Variants in DNAH12 observed in about 807,000 individuals in gnomAD.
DNAH12 encodes the protein dynein axonemal heavy chain 12.
A neutral mutation model predicts 371.5 loss-of-function variants in DNAH12; 285 were observed. That is an observed-to-expected ratio of 0.77 (90% confidence interval 0.70 to 0.85). The LOEUF is 0.85. DNAH12 is among the 40% of genes least tolerant of loss of function. The probability of loss-of-function intolerance (pLI) is 0.00; values close to 1 mark genes in which losing one functional copy is unlikely to be tolerated. For missense variants in DNAH12, 3,611 were observed against 3,689.4 expected, an observed-to-expected ratio of 0.98 and a Z score of 0.55; for synonymous variants, 1,200 against 1,213.0, an observed-to-expected ratio of 0.99 and a Z score of 0.22.
intron 11 of DNAH12, among the ~76,000 whole-genome samples, chr3:57,494,376 G>GT (rs1448541137): frequency 1.5e-4 from 23 of 152,098 alleles, no homozygotes; most frequent in African/African-American, 5.5e-4. Flanking sequence ...AACATAGTGA[G>GT]ACCTTGTCTC....
chr3:57,455,561 C>G (rs528797364), intron 22 of DNAH12, among the ~76,000 whole-genome samples: 1 of 144,500 alleles, frequency 6.9e-6, no homozygotes, highest in South Asian at 2.4e-4. Context: ...CAGAGTGAGA[C>G]TCTGTCTCAA....
upstream of DNAH12, among the ~76,000 whole-genome samples, chr3:57,545,286 G>A (rs2069469709): frequency 6.7e-6 from 1 of 149,964 alleles, no homozygotes; most frequent in Non-Finnish European, 1.5e-5. Context: ...TGGGATTACA[G>A]GCATGCATCA....
intron 13 of DNAH12, among the ~76,000 whole-genome samples, chr3:57,479,183 C>T (rs962069124): frequency 1.3e-5 from 2 of 152,174 alleles, no homozygotes; most frequent in East Asian, 1.9e-4. Context: ...ACCCATCTCA[C>T]GTGCAGAGAC....
rs34521012 is a variant in DNAH12, at chr3:57,495,008, C to CAA, written c.1336-5323_1336-5322dup. Among the ~76,000 whole-genome samples the CAA allele has an allele frequency of 1.3e-3, 192 of 147,494 alleles. 2 individuals carry two copies. Among genetic ancestry groups the CAA allele is most frequent in the African/African-American group, 3.4e-3 (138 of 40,132 alleles). On this transcript the variant is annotated intron_variant, in intron 11 of 73. Transcript: ENST00000495027. ...TGGGCAACAAAGCAAGACCCTGTCT[C>CAA]AAAAAAAAAAATGTTACTAGAGATA...
In DNAH12 at chr3:57,468,735, C is replaced by A. The variant is rs1350087286; in HGVS notation, c.2349+1G>T. The A allele has an allele frequency of 7.1e-7, 1 of 1,412,644 alleles. No individual in the cohort carries two copies. The highest frequency in any genetic ancestry group is 2.8e-5 in the East Asian group (1 of 35,854). 87.5% of individuals were successfully genotyped at this position (1,412,644 alleles called of 1,614,324 possible). A position where few individuals can be genotyped will look rare whatever the true frequency, so the allele number is the denominator to read the frequency against. On this transcript the variant is annotated splice_donor_variant, in intron 17 of 73. Coordinates refer to ENST00000495027, the MANE Select transcript of DNAH12 (RefSeq NM_001366028.2). LOFTEE classifies it high-confidence loss of function. The stretch of plus-strand genomic sequence containing the variant: ...TAAAATGTTATTATATATATTTATA[C>A]CTTAAAAGCTTTTATCTGTTCCATG...
chr3:57,462,654 A>T (rs1334053136), intron 18 of DNAH12, 36 bp downstream of exon 18: 12 of 1,530,282 alleles, frequency 7.8e-6, no homozygotes, highest in Non-Finnish European at 1.1e-5. Context: ...TAACGAAGTC[A>T]TCACATAAAG....
chr3:57,336,163 C>G (rs932204386), intron 60 of DNAH12, among the ~76,000 whole-genome samples: 3 of 152,068 alleles, frequency 2.0e-5, no homozygotes, highest in Admixed American at 6.5e-5. Context: ...TTGAAAAGAT[C>G]AAACTAATCC....
intron 62 of DNAH12, among the ~76,000 whole-genome samples, chr3:57,327,103 T>A (rs2061968044): frequency 6.6e-6 from 1 of 151,506 alleles, no homozygotes; most frequent in Non-Finnish European, 1.5e-5. Context: ...TCCCACACAA[T>A]AATAATGGGA....
intron 2 of DNAH12, among the ~76,000 whole-genome samples, chr3:57,541,338 CCTCT>C (rs2069274526): frequency 6.6e-6 from 1 of 152,084 alleles, no homozygotes; most frequent in Admixed American, 6.6e-5. Flanking sequence ...CTGCACCCGG[CCTCT>C]CTTTTTCTTT....
intron 65 of DNAH12, among the ~76,000 whole-genome samples, 195 bp downstream of exon 65, chr3:57,322,148 G>A (rs2061820945): frequency 6.6e-6 from 1 of 152,194 alleles, no homozygotes; most frequent in Admixed American, 6.5e-5. Flanking sequence ...TGTCTACTGT[G>A]TGGGAAGTGG....
chr3:57,547,498 G>T (rs565714178), upstream of DNAH12, among the ~76,000 whole-genome samples: 1 of 152,070 alleles, frequency 6.6e-6, no homozygotes, highest in South Asian at 2.1e-4. Flanking sequence ...CCAAAAGTGT[G>T]TTCTTTTACA....
intron 42 of DNAH12, among the ~76,000 whole-genome samples, chr3:57,404,078 C>T (rs1388682418): frequency 2.0e-5 from 3 of 152,112 alleles, no homozygotes; most frequent in African/African-American, 7.2e-5. Flanking sequence ...TGCTTATATA[C>T]TATGACATGA....
chr3:57,442,614 G>A (rs2065343574), intron 29 of DNAH12, among the ~76,000 whole-genome samples: 1 of 152,100 alleles, frequency 6.6e-6, no homozygotes, highest in Non-Finnish European at 1.5e-5. Context: ...CCATTAAAAA[G>A]CAAGATGGCA....
At chr3:57,528,692 C>T (rs1186247169) in intron 2 of DNAH12, among the ~76,000 whole-genome samples, 2 of 150,314 alleles carry the variant, frequency 1.3e-5, no homozygotes, top group African/African-American at 4.9e-5. Flanking sequence ...TGCCATTGCA[C>T]TCCAGCCTGG....
chr3:57,457,828 C>G lies in DNAH12; in HGVS notation c.3229G>C (p.Ala1077Pro). 6.4e-7 allele frequency: 1 copy of G among 1,551,560 alleles called. No individual in the cohort carries two copies. The highest frequency in any genetic ancestry group is 8.7e-7 in the Non-Finnish European group (1 of 1,146,982). ...SSEGERVELI[A>P]LISTSAARGA... The stretch of plus-strand genomic sequence containing the variant: ...CGCGCTGCAGACGTGGAAATGAGTG[C>G]AATCAGCTCCACTCGCTCGCCCTCA... Residue 1077 changes from alanine (A) to proline (P), a missense_variant, in exon 22 of 74, where the codon GCA (alanine) becomes CCA (proline). This residue lies in a region of DNAH12 where 1,314 missense variants were observed against 1,398.7 expected (regional missense o/e 0.94). Transcript: ENST00000495027.
chr3:57,366,732 T>C lies in DNAH12; in HGVS notation c.9164A>G (p.Glu3055Gly), dbSNP rs2063059847. 1 of 152,214 alleles carries C rather than the reference T, an allele frequency of 6.6e-6. No individual in the cohort carries two copies. Among genetic ancestry groups the C allele is most frequent in the Non-Finnish European group, 1.5e-5 (1 of 68,038 alleles). The allele number at this position is 152,214 out of a possible 1,614,324, so 9.4% of individuals were successfully genotyped here. A position where few individuals can be genotyped will look rare whatever the true frequency, so the allele number is the denominator to read the frequency against. The change falls in exon 57 of 74, where the codon GAG (glutamate) becomes GGG (glycine). Residue 3055 changes from glutamate to glycine, a missense_variant. This residue lies in a region of DNAH12 where 2,266 missense variants were observed against 2,236.9 expected (regional missense o/e 1.01). Coordinates refer to ENST00000495027, the MANE Select transcript of DNAH12 (RefSeq NM_001366028.2). ...AAGCATCTAAGAAAATACATACCTCTCCTTTGCAACAACAATACCTAGTAA... is the reference window on the plus strand; with the variant it reads ...AAGCATCTAAGAAAATACATACCTCCCCTTTGCAACAACAATACCTAGTAA... ...DQLLGIVVAK[E>G]RPELEEERNA...
At chr3:57,479,329 A>G (rs1370517995) in intron 13 of DNAH12, among the ~76,000 whole-genome samples, 2 of 152,166 alleles carry the variant, frequency 1.3e-5, no homozygotes, top group African/African-American at 4.8e-5. Flanking sequence ...AAAGAAGGCC[A>G]TTACATAATG....
chr3:57,523,672 T>C, intron 3 of DNAH12, 63 bp from the exon 4 acceptor site: 1 of 1,344,652 alleles, frequency 7.4e-7, no homozygotes, highest in South Asian at 1.9e-5. Flanking sequence ...ATTTAAATTG[T>C]TTAAAAATTA....
chr3:57,352,175 A>C lies in DNAH12; in HGVS notation c.9584T>G (p.Phe3195Cys). Reference sequence around the variant, plus strand: ...TATATTACAATATAAGTTGTATGTGAAGTGGTCATTTAAATATCGTAGGCG... The same window carrying C: ...TATATTACAATATAAGTTGTATGTGCAGTGGTCATTTAAATATCGTAGGCG... Reference protein sequence around the residue: ...EKRLRYLNDHFTYNLYCNICR... With the variant: ...EKRLRYLNDHCTYNLYCNICR... The change falls in exon 60 of 74, where the codon TTC becomes TGC. Residue 3195 changes from phenylalanine (F) to cysteine (C), a missense_variant. Phe to Cys is a radical substitution (Grantham distance 205). This residue lies in a region of DNAH12 where 2,266 missense variants were observed against 2,236.9 expected (regional missense o/e 1.01). Coordinates refer to ENST00000495027, the MANE Select transcript of DNAH12 (RefSeq NM_001366028.2). 6.5e-7 allele frequency: 1 copy of C among 1,542,894 alleles called. No homozygotes were observed. The highest frequency in any genetic ancestry group is 1.2e-5 in the South Asian group (1 of 80,672).
Sources: allele counts gnomAD v4.1 joint callset (sites outside exome capture counted in the v4.1 genomes callset), GRCh38; gene constraint gnomAD v4.1.1; regional missense constraint gnomAD v4.1.1; transcripts MANE v1.5; gene names NCBI Gene and HGNC (gene_info 2026-07-23, HGNC 2026-07-21).